The following NSUN2 variants were observed in gnomAD, a reference collection of about 807,000 sequenced individuals.
NSUN2 encodes the protein NOP2/Sun RNA methyltransferase 2, also known as RNA cytosine C(5)-methyltransferase NSUN2.
Under a neutral mutation model 92.7 loss-of-function variants are expected in NSUN2, and 63 were observed. That is an observed-to-expected ratio of 0.68 (90% CI 0.56 to 0.84). NSUN2 has a LOEUF of 0.84. NSUN2 is among the 40% of genes least tolerant of loss of function. The pLI is 0.00. For synonymous variants in NSUN2, 356 were observed against 348.3 expected, an observed-to-expected ratio of 1.02 and a Z score of -0.25; for missense variants, 989 against 964.9, an observed-to-expected ratio of 1.02 and a Z score of -0.33.
chr5:6,600,289 T>C, intron 18 of NSUN2, 57 bp from the exon 19 acceptor site: 1 of 1,490,160 alleles, frequency 6.7e-7, no homozygotes, highest in Non-Finnish European at 9.2e-7. Context: ...CTAAATCGAA[T>C]GAGATGTAAT....
chr5:6,611,321 A>G (rs1434951872), intron 10 of NSUN2, among the ~76,000 whole-genome samples: 1 of 152,194 alleles, frequency 6.6e-6, no homozygotes, highest in Non-Finnish European at 1.5e-5. Flanking sequence ...AAAAACCAGG[A>G]CAAGCATTAT....
intron 14 of NSUN2, 48 bp from the exon 15 acceptor site, chr5:6,605,456 G>C (rs911173587): frequency 1.9e-5 from 30 of 1,593,334 alleles, no homozygotes; most frequent in Non-Finnish European, 2.4e-5. Flanking sequence ...TCAAAATCTG[G>C]TAGACTGTTT....
intron 2 of NSUN2, among the ~76,000 whole-genome samples, chr5:6,632,195 A>G (rs1041136414): frequency 1.5e-5 from 2 of 132,064 alleles, no homozygotes; most frequent in African/African-American, 6.2e-5. Context: ...TTCTCTCCTA[A>G]GCATATCCTA....
At chr5:6,623,373 C>G in intron 4 of NSUN2, 88 bp from the exon 5 acceptor site, 2 of 1,083,444 alleles carry the variant, frequency 1.8e-6, no homozygotes, top group Non-Finnish European at 2.6e-6. Flanking sequence ...TCAAAGGCAA[C>G]AGGAAAACAG....
chr5:6,607,240 C>A lies in NSUN2; in HGVS notation c.1468G>T (p.Asp490Tyr). ...TTCTTACTGCCATTATTCTCTAAAT[C>A]CTCAGTTGCATGAGCTATTTCTGTG... ...GDTEIAHATE[D>Y]LENNGSKKDG... The change falls in exon 13 of 19, where the codon GAT becomes TAT. Residue 490 changes from aspartate to tyrosine, a missense_variant. By Grantham distance (160) the Asp-to-Tyr change is radical. Around this residue, in one of 3 missense-constraint regions of NSUN2, gnomAD observed 626 missense variants for 602.3 expected, o/e 1.04. Coordinates refer to ENST00000264670, the MANE Select transcript of NSUN2 (RefSeq NM_017755.6). 1 of 1,614,202 alleles carries A rather than the reference C, an allele frequency of 6.2e-7. No individual in the cohort carries two copies. The highest frequency in any genetic ancestry group is 8.5e-7 in the Non-Finnish European group (1 of 1,180,040).
intron 5 of NSUN2, among the ~76,000 whole-genome samples, 170 bp downstream of exon 5, chr5:6,623,044 G>GAAAAAAAAAA (rs111573762): frequency 1.1e-3 from 82 of 72,380 alleles, no homozygotes; most frequent in East Asian, 2.3e-3. Flanking sequence ...GGACAAAAAA[G>GAAAAAAAAAA]AAAAAAAAAA....
Position 6,625,705 on chromosome 5 carries a change from A to G in NSUN2, c.360-36T>C, listed in dbSNP as rs769398212. The G allele has an allele frequency of 3.4e-6, 5 of 1,482,574 alleles. No homozygotes were observed. The African/African-American group carries it at 6.9e-5, about 21-fold the overall frequency. 91.8% of individuals were successfully genotyped at this position (1,482,574 alleles called of 1,614,324 possible). On this transcript the variant is annotated intron_variant, in intron 3 of 18. Coordinates refer to ENST00000264670, the MANE Select transcript of NSUN2 (RefSeq NM_017755.6). ...AGAAAGCAAAACATTTATGGATTAT[A>G]AATACTAAAGTCGTCTGTTGACAAC...
chr5:6,605,328 T>A lies in NSUN2; in HGVS notation c.1682A>T (p.Tyr561Phe). ...ATTCCGCAACTCCTTAGAAACCATG[T>A]AGAGCTGCCTTTTCTTCCCTTCTGT... is the stretch of plus-strand genomic sequence containing the variant. ...RTTEGKKRQL[Y>F]MVSKELRNVL... Residue 561 changes from tyrosine to phenylalanine, a missense_variant, in exon 15 of 19, where the codon TAC (tyrosine) becomes TTC (phenylalanine). Tyr to Phe is a conservative substitution (Grantham distance 22). Coordinates refer to ENST00000264670, the MANE Select transcript of NSUN2 (RefSeq NM_017755.6). 1.2e-6 allele frequency: 2 copies of A among 1,614,234 alleles called. No individual in the cohort carries two copies. The highest frequency in any genetic ancestry group is 1.7e-6 in the Non-Finnish European group (2 of 1,180,034).
In NSUN2 at chr5:6,623,273, G is replaced by A. The variant is rs971651719; in HGVS notation, c.478C>T (p.Arg160Cys). 1.8e-5 allele frequency: 29 copies of A among 1,575,018 alleles called. No individual in the cohort carries two copies. The highest frequency in any genetic ancestry group is 2.1e-5 in the Non-Finnish European group (25 of 1,166,664). ...VSETESGNIS[R>C]QEAVSMIPPL... ...GGGATCATGCTAACAGCTTCTTGAC[G>A]ACTAATATTTCCCTTGAGGAAAAAA... Residue 160 changes from arginine (R) to cysteine (C), a missense_variant, in exon 5 of 19, where the codon CGT (arginine) becomes TGT (cysteine). This residue lies in a region of NSUN2 where 356 missense variants were observed against 338.6 expected (regional missense o/e 1.05). Coordinates refer to ENST00000264670, the MANE Select transcript of NSUN2 (RefSeq NM_017755.6).
intron 9 of NSUN2, 120 bp downstream of exon 9, chr5:6,616,607 G>T (rs1041996969): frequency 5.9e-6 from 1 of 168,634 alleles, no homozygotes. Context: ...TATACCTAAC[G>T]GGACTGAACT....
chr5:6,609,439 T>C (rs948016080), intron 12 of NSUN2, among the ~76,000 whole-genome samples: 1 of 152,186 alleles, frequency 6.6e-6, no homozygotes, highest in Non-Finnish European at 1.5e-5. Context: ...CCGGGCTGGC[T>C]TGGGGTCAGC....
At chr5:6,602,546 G>A in intron 17 of NSUN2, 46 bp from the exon 18 acceptor site, 2 of 1,571,548 alleles carry the variant, frequency 1.3e-6, no homozygotes, top group South Asian at 2.2e-5. Flanking sequence ...CCAGGTAGTG[G>A]ATGCATGCGC....
Position 6,617,935 on chromosome 5 carries a change from T to C in NSUN2, c.890+15A>G. The C allele has an allele frequency of 6.3e-7, 1 of 1,599,700 alleles. No individual in the cohort carries two copies. The highest frequency in any genetic ancestry group is 8.6e-7 in the Non-Finnish European group (1 of 1,167,100). ...ACTTGTCACACAGTGTTAGCAGTGA[T>C]GAAGTTTTACTTACCCATGTAGCTG... On this transcript the variant is annotated intron_variant, in intron 8 of 18. Transcript: ENST00000264670.
intron 12 of NSUN2, among the ~76,000 whole-genome samples, chr5:6,609,391 G>C (rs965384099): frequency 5.9e-5 from 9 of 152,164 alleles, no homozygotes; most frequent in Admixed American, 3.9e-4. Flanking sequence ...AGCCAGGTCT[G>C]GACAAGGCCG....
At chr5:6,617,915 TCA>T (rs757003074) in intron 8 of NSUN2, 33 bp downstream of exon 8, 2 of 1,492,024 alleles carry the variant, frequency 1.3e-6, no homozygotes, top group Non-Finnish European at 1.9e-6. Context: ...GATCTACTTG[TCA>T]CACAGTGTTA....
At chr5:6,609,639 A>G (rs2126479696) in intron 12 of NSUN2, among the ~76,000 whole-genome samples, 187 bp downstream of exon 12, 1 of 152,316 alleles carries the variant, frequency 6.6e-6, no homozygotes, top group African/African-American at 2.4e-5. Context: ...CCTATCACCT[A>G]TGAGAAATTT....
chr5:6,618,421 G>T (rs1737300246), intron 7 of NSUN2, among the ~76,000 whole-genome samples: 1 of 152,180 alleles, frequency 6.6e-6, no homozygotes, highest in South Asian at 2.1e-4. Context: ...TGACTAATAA[G>T]AAATTTTCCA....
In NSUN2 at chr5:6,631,977, G is replaced by A. The variant is rs1358012811; in HGVS notation, c.255C>T (p.Ser85=). The A allele has an allele frequency of 4.4e-6, 7 of 1,605,370 alleles. No individual in the cohort carries two copies. The Admixed American group carries it at 1.0e-4, about 23-fold the overall frequency. ...AGCAATGGAGAATCTCTTTTGCGTG[G>A]CTATTGAAAAATAAGGAAGTTTCAA... The part of the protein sequence containing the change: ...PATLRITGYK[S]HAKEILHCLK... Residue 85 remains serine, a splice_region_variant and synonymous_variant, in exon 3 of 19, where the codon AGC becomes AGT. Coordinates refer to ENST00000264670, the MANE Select transcript of NSUN2 (RefSeq NM_017755.6).
At chr5:6,606,418 G>T (rs1736772474) in intron 14 of NSUN2, among the ~76,000 whole-genome samples, 2 of 152,068 alleles carry the variant, frequency 1.3e-5, no homozygotes, top group Non-Finnish European at 2.9e-5. Flanking sequence ...AGAGTAGCTG[G>T]GACTACAGGT....
Sources: gnomAD v4.1 joint callset for allele counts (sites outside exome capture counted in the v4.1 genomes callset) on GRCh38, gnomAD v4.1.1 for gene constraint, gnomAD v4.1.1 regional missense constraint, MANE v1.5 for transcripts, NCBI Gene and HGNC (gene_info 2026-07-23, HGNC 2026-07-21) for gene names.